Variants in VASH2 observed in about 807,000 individuals in gnomAD.
The protein encoded by VASH2 is vasohibin 2, also known as tubulinyl-Tyr carboxypeptidase 2.
Under a neutral mutation model 37.2 loss-of-function variants are expected in VASH2, and 28 were observed. That is an observed-to-expected ratio of 0.75 (90% CI 0.56 to 1.03). The LOEUF (loss-of-function observed/expected upper bound fraction) is 1.03, where lower values mean the gene tolerates loss of function less well. Among genes scored for constraint, VASH2 ranks in the 50% least tolerant of loss-of-function variants. The pLI, the probability that VASH2 is intolerant of heterozygous loss-of-function variation, is 0.00. For missense variants in VASH2, 419 were observed against 459.1 expected (o/e 0.91, Z 0.80); for synonymous variants, 188 against 174.7 (o/e 1.08, Z -0.60).
chr1:212,987,031 C>CAG lies in VASH2; in HGVS notation c.996-1457_996-1456dup, dbSNP rs10601750. ...TGTTGATGACTATTCCTTCCCATTTCAGAGAGAGAGAGAGAGAGAGAGAGA... is the reference window on the plus strand; with the variant it reads ...TGTTGATGACTATTCCTTCCCATTTCAGAGAGAGAGAGAGAGAGAGAGAGAGA... On this transcript the variant is annotated intron_variant, in intron 7 of 7. Transcript: ENST00000517399. Among the ~76,000 whole-genome samples, 567 of 148,484 alleles carry CAG rather than the reference C, an allele frequency of 3.8e-3. 5 individuals are homozygous for CAG. Among genetic ancestry groups the CAG allele is most frequent in the Middle Eastern group, 0.017 (5 of 290 alleles).
chr1:212,969,901 G>A (rs1666958780), intron 5 of VASH2, among the ~76,000 whole-genome samples: 1 of 151,934 alleles, frequency 6.6e-6, no homozygotes, highest in Non-Finnish European at 1.5e-5. Context: ...TTTTGACTTT[G>A]GCCCAGAGTT....
intron 3 of VASH2, among the ~76,000 whole-genome samples, chr1:212,965,143 A>T (rs985302088): frequency 6.6e-6 from 1 of 151,932 alleles, no homozygotes; most frequent in Admixed American, 6.6e-5. Context: ...CTGGTGTCGA[A>T]CTCCTGACCT....
intron 7 of VASH2, among the ~76,000 whole-genome samples, chr1:212,982,796 T>C (rs1055578482): frequency 6.6e-6 from 1 of 152,198 alleles, no homozygotes; most frequent in Non-Finnish European, 1.5e-5. Flanking sequence ...TCTCCTGGGT[T>C]CTGGGTACTT....
chr1:212,989,223 C>A lies in VASH2; in HGVS notation c.*639C>A, dbSNP rs2075831559. The A allele has an allele frequency of 6.6e-6, 1 of 152,504 alleles. No homozygotes were observed. The highest frequency in any genetic ancestry group is 2.4e-5 in the African/African-American group (1 of 41,434). The allele number at this position is 152,504 out of a possible 1,614,324, so 9.4% of individuals were successfully genotyped here. On this transcript the variant is annotated 3_prime_UTR_variant, in exon 8 of 8. Transcript: ENST00000517399. Reference sequence around the variant, plus strand: ...CTAAAAAGCACTGAAATTCTTCTGGCAATACAAGAACCATTTTCAGGATCT... The same window carrying A: ...CTAAAAAGCACTGAAATTCTTCTGGAAATACAAGAACCATTTTCAGGATCT...
chr1:212,964,198 G>A (rs953637988), intron 3 of VASH2, among the ~76,000 whole-genome samples: 12 of 152,206 alleles, frequency 7.9e-5, no homozygotes, highest in African/African-American at 2.9e-4. Context: ...CTCCAGGGCT[G>A]GAGCCCAGAA....
chr1:212,965,920 C>T (rs1666827346), intron 4 of VASH2, 142 bp downstream of exon 4: 1 of 812,162 alleles, frequency 1.2e-6, no homozygotes, highest in Non-Finnish European at 2.0e-6. Flanking sequence ...GCCCCAGGGC[C>T]AGGTTGGAGG....
intron 3 of VASH2, among the ~76,000 whole-genome samples, chr1:212,961,526 C>T (rs909624231): frequency 1.3e-5 from 2 of 152,102 alleles, no homozygotes; most frequent in African/African-American, 4.8e-5. Flanking sequence ...CCCCTGAGCA[C>T]CCCTCTTCCT....
At chr1:212,954,238 C>T (rs1666414783) in intron 2 of VASH2, among the ~76,000 whole-genome samples, 2 of 152,258 alleles carry the variant, frequency 1.3e-5, no homozygotes, top group South Asian at 2.1e-4. Context: ...TATGTCATAG[C>T]TCCCAGACCA....
intron 4 of VASH2, 80 bp from the exon 5 acceptor site, chr1:212,966,191 G>C: frequency 8.0e-7 from 1 of 1,254,660 alleles, no homozygotes; most frequent in Non-Finnish European, 1.1e-6. Flanking sequence ...TGTGGGGACA[G>C]GCATGCTGAT....
At chr1:212,952,961 A>G (rs527818621) in intron 2 of VASH2, among the ~76,000 whole-genome samples, 1 of 152,292 alleles carries the variant, frequency 6.6e-6, no homozygotes, top group Non-Finnish European at 1.5e-5. Context: ...CATTGTGCCC[A>G]ACTAGAATCT....
At position 212,964,659 on chromosome 1, in the gene VASH2, C is replaced by A. The variant is rs372363211; in HGVS notation, c.366-1063C>A. On this transcript the variant is annotated intron_variant, in intron 3 of 7. Coordinates refer to ENST00000517399, the MANE Select transcript of VASH2 (RefSeq NM_001301056.2). ...AGCTTCTCAGATTTAGTAATCAATG[C>A]CAAGTGCCAGCATAGGCATGAAAAA... 5.2e-4 allele frequency among the ~76,000 whole-genome samples: 79 copies of A among 152,272 alleles called. No individual in the cohort carries two copies. The Middle Eastern group carries it at 0.01, about 20-fold the overall frequency.
At chr1:212,960,446 G>A (rs558766936) in intron 2 of VASH2, among the ~76,000 whole-genome samples, 3 of 152,230 alleles carry the variant, frequency 2.0e-5, no homozygotes, top group Non-Finnish European at 4.4e-5. Flanking sequence ...CCATCTGGGG[G>A]TGGGACTCAG....
intron 5 of VASH2, 81 bp from the exon 6 acceptor site, chr1:212,972,499 C>T (rs1667039233): frequency 1.3e-6 from 2 of 1,557,420 alleles, no homozygotes; most frequent in South Asian, 2.3e-5. Flanking sequence ...TCACTGAACC[C>T]TGAGACACTT....
chr1:212,981,280 G>A (rs536116346), intron 7 of VASH2, among the ~76,000 whole-genome samples: 2 of 152,228 alleles, frequency 1.3e-5, no homozygotes, highest in Non-Finnish European at 2.9e-5. Context: ...AACATCAGCT[G>A]TCTGCCCTGG....
In VASH2 at chr1:212,985,600, A is replaced by G. The variant is rs527635901; in HGVS notation, c.996-2912A>G. Among the ~76,000 whole-genome samples the G allele has an allele frequency of 1.1e-4, 16 of 151,912 alleles. No homozygotes were observed. The South Asian group carries it at 3.3e-3, about 32-fold the overall frequency. On this transcript the variant is annotated intron_variant, in intron 7 of 7. Transcript: ENST00000517399. ...CCCGGCTGTTTTTTGTGTTTTTAGT[A>G]GAGACAGGGTTTCACCATGTTGGTC...
chr1:212,982,502 A>C (rs1667367119), intron 7 of VASH2, among the ~76,000 whole-genome samples: 1 of 152,012 alleles, frequency 6.6e-6, no homozygotes, highest in African/African-American at 2.4e-5. Flanking sequence ...TTAAAAATAA[A>C]CCCCCTTGCA....
Position 212,972,871 on chromosome 1 carries a change from G to A in VASH2, c.789G>A (p.Glu263=), listed in dbSNP as rs753055199. ...PHEPHSFQPI[E]WKQLVLNVSK... is the part of the protein sequence containing the mutation. The stretch of plus-strand genomic sequence containing the variant: ...AGCCTCATAGCTTCCAGCCCATTGA[G>A]TGGAAGCAGCTGGTCCTCAACGTCT... Residue 263 remains glutamate (E), a synonymous_variant, in exon 6 of 8, where the codon GAG becomes GAA. Transcript: ENST00000517399. 7.4e-6 allele frequency: 12 copies of A among 1,614,056 alleles called. No individual in the cohort carries two copies. The highest frequency in any genetic ancestry group is 1.3e-5 in the African/African-American group (1 of 74,932).
intron 3 of VASH2, 138 bp from the exon 4 acceptor site, chr1:212,965,584 C>T: frequency 1.4e-6 from 1 of 693,500 alleles, no homozygotes; most frequent in Non-Finnish European, 2.5e-6. Context: ...CTACTACTAG[C>T]TACCTTCTGG....
intron 2 of VASH2, among the ~76,000 whole-genome samples, chr1:212,958,474 C>T (rs1183797560): frequency 2.0e-5 from 3 of 152,252 alleles, no homozygotes; most frequent in African/African-American, 7.2e-5. Flanking sequence ...CACCTGCCGT[C>T]TGCTCCCACC....
Sources: gnomAD v4.1 joint callset for allele counts (sites outside exome capture counted in the v4.1 genomes callset) on GRCh38, gnomAD v4.1.1 for gene constraint, MANE v1.5 for transcripts, NCBI Gene and HGNC (gene_info 2026-07-23, HGNC 2026-07-21) for gene names.